The following NRXN3 variants were observed in gnomAD, a reference collection of about 807,000 sequenced individuals.
NRXN3 encodes neurexin 3, also known as neurexin III.
Under a neutral mutation model 137.6 loss-of-function variants are expected in NRXN3, and 32 were observed. That is an observed-to-expected ratio of 0.23 (90% CI 0.18 to 0.31). NRXN3 has a LOEUF of 0.31. NRXN3 is among the 10% of genes least tolerant of loss of function. The pLI, the probability that NRXN3 is intolerant of heterozygous loss-of-function variation, is 1.00. For missense variants in NRXN3, 1,574 were observed against 2,062.5 expected (o/e 0.76, Z 4.59); for synonymous variants, 798 against 784.5 (o/e 1.02, Z -0.29).
At chr14:78,915,217 TGAGTTTTCAATTTTA>T (rs1346165590) in intron 10 of NRXN3, among the ~76,000 whole-genome samples, 1 of 151,570 alleles carries the variant, frequency 6.6e-6, no homozygotes, top group African/African-American at 2.4e-5. Context: ...AGTCAAGGAT[TGAGTTTTCAATTTTA>T]GAGTTTCTAT....
chr14:78,876,704 C>T (rs1272147299), intron 10 of NRXN3, among the ~76,000 whole-genome samples: 1 of 152,084 alleles, frequency 6.6e-6, no homozygotes, highest in African/African-American at 2.4e-5. Context: ...AATGTGTGAT[C>T]CCACCTAACT....
chr14:79,733,037 C>A (rs1005713632), intron 19 of NRXN3, among the ~76,000 whole-genome samples: 4 of 151,980 alleles, frequency 2.6e-5, no homozygotes, highest in Non-Finnish European at 4.4e-5. Context: ...AAAATTAAAT[C>A]TTTGTCATAA....
intron 4 of NRXN3, among the ~76,000 whole-genome samples, chr14:78,456,443 A>G (rs1017773441): frequency 3.9e-5 from 6 of 152,212 alleles, no homozygotes; most frequent in East Asian, 1.9e-4. Flanking sequence ...CTTTAATGAC[A>G]TAAGCATTTT....
intron 20 of NRXN3, among the ~76,000 whole-genome samples, chr14:79,813,313 T>C (rs2099241323): frequency 6.6e-6 from 1 of 152,178 alleles, no homozygotes; most frequent in African/African-American, 2.4e-5. Flanking sequence ...TACAGATATA[T>C]CTATCCGTAT....
intron 4 of NRXN3, among the ~76,000 whole-genome samples, chr14:78,302,616 A>T (rs926733301): frequency 3.9e-5 from 6 of 152,136 alleles, no homozygotes; most frequent in Non-Finnish European, 8.8e-5. Context: ...TCTCTGTAGC[A>T]TATGTCTCTG....
chr14:79,074,206 A>T (rs2099692153), intron 15 of NRXN3, among the ~76,000 whole-genome samples: 1 of 152,214 alleles, frequency 6.6e-6, no homozygotes, highest in Non-Finnish European at 1.5e-5. Flanking sequence ...AGTCTTGCAC[A>T]TCAAATTTTA....
At chr14:78,583,309 G>A (rs2097023219) in intron 4 of NRXN3, among the ~76,000 whole-genome samples, 1 of 151,920 alleles carries the variant, frequency 6.6e-6, no homozygotes, top group South Asian at 2.1e-4. Context: ...AATGTGAGGA[G>A]AGGGGAAGGC....
chr14:79,259,925 G>A (rs2077347894), intron 15 of NRXN3, among the ~76,000 whole-genome samples: 1 of 152,030 alleles, frequency 6.6e-6, no homozygotes, highest in Non-Finnish European at 1.5e-5. Context: ...CTCCTATTCT[G>A]TCTCCCCCAC....
intron 15 of NRXN3, among the ~76,000 whole-genome samples, chr14:79,442,745 T>G (rs979485777): frequency 6.6e-6 from 1 of 152,250 alleles, no homozygotes; most frequent in African/African-American, 2.4e-5. Flanking sequence ...TTGCTGATTT[T>G]ATTTTTCTTC....
chr14:79,430,110 T>C (rs1296581673), intron 15 of NRXN3, among the ~76,000 whole-genome samples: 1 of 152,198 alleles, frequency 6.6e-6, no homozygotes, highest in Admixed American at 6.5e-5. Flanking sequence ...ATTCTTCACC[T>C]AATAGCTAAA....
At chr14:79,277,764 A>G (rs1308163924) in intron 15 of NRXN3, among the ~76,000 whole-genome samples, 1 of 152,184 alleles carries the variant, frequency 6.6e-6, no homozygotes, top group Non-Finnish European at 1.5e-5. Flanking sequence ...CACACCCAAA[A>G]GTATGCAAGA....
At chr14:78,614,114 A>G (rs927128111) in intron 4 of NRXN3, among the ~76,000 whole-genome samples, 2 of 152,210 alleles carry the variant, frequency 1.3e-5, no homozygotes, top group African/African-American at 4.8e-5. Flanking sequence ...GGATATAAAT[A>G]TGGAAACTGA....
At chr14:78,663,373 C>T (rs2097856019) in intron 6 of NRXN3, among the ~76,000 whole-genome samples, 1 of 152,164 alleles carries the variant, frequency 6.6e-6, no homozygotes, top group South Asian at 2.1e-4. Context: ...ATTTCTTTCA[C>T]CTTGCCATTG....
At chr14:79,819,988 C>A (rs1219896781) in intron 20 of NRXN3, among the ~76,000 whole-genome samples, 2 of 151,944 alleles carry the variant, frequency 1.3e-5, no homozygotes, top group African/African-American at 4.8e-5. Flanking sequence ...GCTGCATTCA[C>A]CCCCAATTTT....
At chr14:78,272,278 G>T (rs1459374396) in intron 2 of NRXN3, among the ~76,000 whole-genome samples, 1 of 152,110 alleles carries the variant, frequency 6.6e-6, no homozygotes, top group African/African-American at 2.4e-5. Context: ...CACAACTCCT[G>T]CAGACAGCTT....
chr14:79,593,385 C>T (rs2097826678), intron 16 of NRXN3, among the ~76,000 whole-genome samples: 1 of 152,028 alleles, frequency 6.6e-6, no homozygotes, highest in Non-Finnish European at 1.5e-5. Context: ...AATCCCAGCA[C>T]TTTGGGAGGC....
rs185774086 is a variant in NRXN3 at position 79,222,046 on chromosome 14, C to G, written c.3262+233905C>G. 2.0e-5 allele frequency among the ~76,000 whole-genome samples: 3 copies of G among 152,212 alleles called. No individual in the cohort carries two copies. The East Asian group carries it at 5.8e-4, about 29-fold the overall frequency. On this transcript the variant is annotated intron_variant, in intron 15 of 20. Transcript: ENST00000335750. ...CATTGCTTGTTTTTGTCAGGTTTGT[C>G]AAAGATCAGATGGTTTTAGATGTGT...
chr14:78,875,019 GC>G (rs1403857981), intron 10 of NRXN3, among the ~76,000 whole-genome samples: 2 of 152,190 alleles, frequency 1.3e-5, no homozygotes, highest in Non-Finnish European at 2.9e-5. Flanking sequence ...AAATTCCCAA[GC>G]GAAATGAATA....
At chr14:79,173,752 A>G (rs2062024498) in intron 15 of NRXN3, among the ~76,000 whole-genome samples, 1 of 152,114 alleles carries the variant, frequency 6.6e-6, no homozygotes, top group South Asian at 2.1e-4. Context: ...CAATGACTCC[A>G]TGTGGTAATC....
Sources: allele counts gnomAD v4.1 joint callset (sites outside exome capture counted in the v4.1 genomes callset), GRCh38; gene constraint gnomAD v4.1.1; transcripts MANE v1.5; gene names NCBI Gene and HGNC (gene_info 2026-07-23, HGNC 2026-07-21).